SLC24A4: variants seen among roughly 807,000 people sequenced by gnomAD.
SLC24A4 encodes solute carrier family 24 member 4, also known as sodium/potassium/calcium exchanger 4.
A neutral mutation model predicts 79.0 loss-of-function variants in SLC24A4; 53 were observed. The observed-to-expected ratio is 0.67, with a 90% CI of 0.54 to 0.84. The LOEUF (loss-of-function observed/expected upper bound fraction) is 0.84, where lower values mean the gene tolerates loss of function less well. SLC24A4 is among the 40% of genes least tolerant of loss of function. The probability of loss-of-function intolerance (pLI) is 0.00; values close to 1 mark genes in which losing one functional copy is unlikely to be tolerated. For missense variants in SLC24A4, 731 were observed against 822.0 expected (o/e 0.89, Z 1.35); for synonymous variants, 323 against 323.8 (o/e 1.00, Z 0.03).
In SLC24A4 at chr14:92,498,901, G is replaced by A. The variant is rs1285231344; in HGVS notation, c.*5273G>A. 2 of 152,254 alleles carry A rather than the reference G, an allele frequency of 1.3e-5. No homozygotes were observed. The highest frequency in any genetic ancestry group is 4.8e-5 in the African/African-American group (2 of 41,468). The allele number at this position is 152,254 out of a possible 1,614,324, so 9.4% of individuals were successfully genotyped here. On this transcript the variant is annotated 3_prime_UTR_variant, in exon 17 of 17. Coordinates refer to ENST00000532405, the MANE Select transcript of SLC24A4 (RefSeq NM_153646.4). ...CAGCTTTAGGCCGGGTAGCTAATGGGAGGATGTCCAGCCTGTCACTGTGCT... is the reference window on the plus strand; with the variant it reads ...CAGCTTTAGGCCGGGTAGCTAATGGAAGGATGTCCAGCCTGTCACTGTGCT...
chr14:92,397,109 G>A (rs1358030898), intron 2 of SLC24A4, among the ~76,000 whole-genome samples: 1 of 152,184 alleles, frequency 6.6e-6, no homozygotes, highest in Admixed American at 6.5e-5. Flanking sequence ...TTGTGTAGAA[G>A]AGAAAAAGCT....
In SLC24A4 at chr14:92,426,106, G is replaced by A. The variant is rs569652024; in HGVS notation, c.242-7806G>A. ...GAGAGGTGGGGTTGGCAAGGATGAGGTCATAAATATGGGGCCCTAAATCAA... is the reference window on the plus strand; with the variant it reads ...GAGAGGTGGGGTTGGCAAGGATGAGATCATAAATATGGGGCCCTAAATCAA... On this transcript the variant is annotated intron_variant, in intron 2 of 16. Coordinates refer to ENST00000532405, the MANE Select transcript of SLC24A4 (RefSeq NM_153646.4). Among the ~76,000 whole-genome samples, 173 of 152,258 alleles carry A rather than the reference G, an allele frequency of 1.1e-3. 1 individual carries two copies. Among genetic ancestry groups the A allele is most frequent in the Non-Finnish European group, 2.2e-3 (147 of 68,012 alleles).
In SLC24A4 at chr14:92,325,884, T is replaced by C. The variant is rs1885096500; in HGVS notation, c.147T>C (p.Ser49=). Residue 49 remains serine, a synonymous_variant, in exon 2 of 17, where the codon TCT becomes TCC. Transcript: ENST00000532405. Reference sequence around the variant, plus strand: ...CCAATCCAGGGCACAAAACAGCTTCTGCTAGCAAACGTGTCCTGCCAGACA... The same window carrying C: ...CCAATCCAGGGCACAAAACAGCTTCCGCTAGCAAACGTGTCCTGCCAGACA... ...LFGSLGHKTA[S]ASKRVLPDTW... 6.2e-7 allele frequency: 1 copy of C among 1,610,040 alleles called. No individual in the cohort carries two copies. The highest frequency in any genetic ancestry group is 8.5e-7 in the Non-Finnish European group (1 of 1,178,128).
Position 92,490,401 on chromosome 14 carries a change from C to T in SLC24A4, c.1538-1264C>T, listed in dbSNP as rs1566807792. 6.6e-6 allele frequency among the ~76,000 whole-genome samples: 1 copy of T among 152,154 alleles called. No individual in the cohort carries two copies. The highest frequency in any genetic ancestry group is 2.4e-5 in the African/African-American group (1 of 41,432). ...ATTGTGTGGCTAGCTGGATACTGGA[C>T]AGCTGGACAGGAAGGGGAAGGACGA... On this transcript the variant is annotated intron_variant, in intron 14 of 16. Coordinates refer to ENST00000532405, the MANE Select transcript of SLC24A4 (RefSeq NM_153646.4). This position sits in a 1 kb window ranked among gnomAD's most constrained non-coding sequence, Gnocchi z 4.3.
At chr14:92,378,539 C>A (rs946807058) in intron 2 of SLC24A4, among the ~76,000 whole-genome samples, 1 of 152,298 alleles carries the variant, frequency 6.6e-6, no homozygotes, top group Middle Eastern at 3.4e-3. Flanking sequence ...TCTCCACCTC[C>A]GTAATGTGTC....
At chr14:92,364,473 C>T (rs1887710139) in intron 2 of SLC24A4, among the ~76,000 whole-genome samples, 2 of 152,326 alleles carry the variant, frequency 1.3e-5, no homozygotes, top group South Asian at 2.1e-4. Context: ...TACTCATAAA[C>T]ACACCAGATG....
At chr14:92,405,995 A>G (rs1890353379) in intron 2 of SLC24A4, among the ~76,000 whole-genome samples, 1 of 152,230 alleles carries the variant, frequency 6.6e-6, no homozygotes, top group African/African-American at 2.4e-5. Context: ...CCTTCTGCCT[A>G]TGAGCCTGTA....
At chr14:92,482,993 G>A (rs1895147629) in intron 13 of SLC24A4, 147 bp downstream of exon 13, 2 of 724,454 alleles carry the variant, frequency 2.8e-6, no homozygotes, top group African/African-American at 2.2e-5. Flanking sequence ...GTAGAAAAGG[G>A]TTTGAATGAG....
At chr14:92,460,217 AC>A (rs139675040) in intron 12 of SLC24A4, among the ~76,000 whole-genome samples, 9,956 of 152,228 alleles carry the variant, frequency 0.065, 479 homozygotes, top group Non-Finnish European at 0.097. Context: ...TCTGCCACTC[AC>A]CAGCAGGGTG....
chr14:92,453,883 G>A lies in SLC24A4; in HGVS notation c.881-17G>A, dbSNP rs368159538. The A allele has an allele frequency of 2.4e-5, 38 of 1,598,492 alleles. No homozygotes were observed. The highest frequency in any genetic ancestry group is 2.8e-5 in the Non-Finnish European group (33 of 1,173,108). ...CCTCAGAGAGATCAGCACTAATCAC[G>A]GTGTTGCGCTCAACAGTGAAGGAGA... On this transcript the variant is annotated splice_polypyrimidine_tract_variant and intron_variant, in intron 10 of 16. Transcript: ENST00000532405.
intron 2 of SLC24A4, among the ~76,000 whole-genome samples, chr14:92,326,547 G>A (rs745330037): frequency 2.0e-5 from 3 of 152,202 alleles, no homozygotes; most frequent in Non-Finnish European, 2.9e-5. Context: ...TTGGGGGTTT[G>A]AGGCAGTAGA....
At chr14:92,333,880 C>A (rs921954481) in intron 2 of SLC24A4, among the ~76,000 whole-genome samples, 1 of 152,030 alleles carries the variant, frequency 6.6e-6, no homozygotes, top group African/African-American at 2.4e-5. Context: ...GACACTGTGG[C>A]TGGGCTAGGA....
At chr14:92,427,504 A>T in intron 2 of SLC24A4, among the ~76,000 whole-genome samples, 1 of 152,244 alleles carries the variant, frequency 6.6e-6, no homozygotes. Flanking sequence ...GAAAACAGGA[A>T]GGAGCAGATT....
intron 2 of SLC24A4, among the ~76,000 whole-genome samples, chr14:92,380,521 C>T (rs1000432564): frequency 3.9e-5 from 6 of 152,238 alleles, no homozygotes; most frequent in Admixed American, 3.9e-4. Flanking sequence ...TCAGCCCGCA[C>T]TAAATGGGAC....
chr14:92,491,644 A>ATGTGT (rs1895675598), intron 14 of SLC24A4, 21 bp from the exon 15 acceptor site: 3 of 1,527,074 alleles, frequency 2.0e-6, no homozygotes, highest in Non-Finnish European at 2.7e-6. Flanking sequence ...TATAAAATAA[A>ATGTGT]TGTGTTGTTG....
At chr14:92,411,436 TGTGA>T (rs1434230103) in intron 2 of SLC24A4, among the ~76,000 whole-genome samples, 2 of 152,156 alleles carry the variant, frequency 1.3e-5, no homozygotes, top group Non-Finnish European at 2.9e-5. Context: ...CCATGCCCAG[TGTGA>T]GACCTGCCCC....
chr14:92,491,865 C>T, intron 15 of SLC24A4, 88 bp downstream of exon 15: 1 of 1,019,984 alleles, frequency 9.8e-7, no homozygotes, highest in Non-Finnish European at 1.5e-6. Context: ...TAGGAGACGA[C>T]CTCCTCCTCT....
At chr14:92,448,676 C>T (rs1031978623) in intron 9 of SLC24A4, among the ~76,000 whole-genome samples, 6 of 152,044 alleles carry the variant, frequency 3.9e-5, no homozygotes, top group East Asian at 1.9e-4. Context: ...AGGAGGTGCC[C>T]GTGAGCATCC....
chr14:92,342,363 C>T (rs61975577), intron 2 of SLC24A4, among the ~76,000 whole-genome samples: 2 of 137,926 alleles, frequency 1.5e-5, no homozygotes, highest in Non-Finnish European at 3.1e-5. Context: ...TTTTTTTCCC[C>T]ATTTATTTAT....
Sources: allele counts gnomAD v4.1 joint callset (sites outside exome capture counted in the v4.1 genomes callset), GRCh38; gene constraint gnomAD v4.1.1; non-coding constraint Gnocchi (gnomAD v3.1); transcripts MANE v1.5; gene names NCBI Gene and HGNC (gene_info 2026-07-23, HGNC 2026-07-21).